The following ROBO2 variants were observed in gnomAD, a reference collection of about 807,000 sequenced individuals.
The protein encoded by ROBO2 is roundabout homolog 2.
In ROBO2, 53 loss-of-function variants were observed where a neutral mutation model predicts 160.8. The ratio of observed to expected loss-of-function variants is 0.33; its 90% CI spans 0.26 to 0.41. ROBO2 has a LOEUF of 0.41. ROBO2 is among the 10% of genes least tolerant of loss of function. The pLI is 1.00. For missense variants in ROBO2, 1,577 were observed against 1,722.4 expected, an observed-to-expected ratio of 0.92 and a Z score of 1.49; for synonymous variants, 664 against 611.7, an observed-to-expected ratio of 1.09 and a Z score of -1.26.
intron 2 of ROBO2, among the ~76,000 whole-genome samples, chr3:76,363,420 A>G (rs1326415098): frequency 6.6e-6 from 1 of 152,090 alleles, no homozygotes; most frequent in Non-Finnish European, 1.5e-5. Flanking sequence ...CACACTTTAA[A>G]CCACCACGTT....
In ROBO2 at chr3:76,054,114, T is replaced by G. The variant is rs570169949; in HGVS notation, c.109+116512T>G. On this transcript the variant is annotated intron_variant, in intron 2 of 26. Transcript: ENST00000487694. ...GTTTTAAGTCCTGCCTTTTTGTAAT[T>G]GAGAGTTATATTTTTACTTGAATAT... 3.9e-5 allele frequency among the ~76,000 whole-genome samples: 6 copies of G among 152,260 alleles called. No individual in the cohort carries two copies. In the East Asian group the frequency reaches 1.2e-3, roughly 29 times the overall value.
chr3:77,357,134 C>T (rs192733828), intron 2 of ROBO2, among the ~76,000 whole-genome samples: 17 of 152,220 alleles, frequency 1.1e-4, no homozygotes, highest in Admixed American at 1.0e-3. Flanking sequence ...ATCATTTAAT[C>T]CTCACAACAG....
chr3:76,064,988 CATT>C (rs2068203706), intron 2 of ROBO2, among the ~76,000 whole-genome samples: 1 of 151,946 alleles, frequency 6.6e-6, no homozygotes, highest in Admixed American at 6.6e-5. Flanking sequence ...TATGTATAGT[CATT>C]AATCAATTTG....
intron 2 of ROBO2, among the ~76,000 whole-genome samples, chr3:76,803,908 G>T (rs1576724555): frequency 6.6e-6 from 1 of 152,294 alleles, no homozygotes; most frequent in Non-Finnish European, 1.5e-5. Context: ...ATTAAAGGGA[G>T]CTAAGACGTG....
intron 2 of ROBO2, among the ~76,000 whole-genome samples, chr3:77,015,415 G>T (rs2062178483): frequency 1.3e-5 from 2 of 152,228 alleles, no homozygotes; most frequent in African/African-American, 2.4e-5. Context: ...TATTTTAAGA[G>T]AACACTCCAT....
intron 2 of ROBO2, among the ~76,000 whole-genome samples, chr3:77,277,159 T>TCTTTC (rs1553882851): frequency 2.7e-5 from 2 of 74,662 alleles, no homozygotes; most frequent in African/African-American, 1.2e-4. Flanking sequence ...CTTCTTTCCT[T>TCTTTC]CTTTCTTTCT....
intron 2 of ROBO2, among the ~76,000 whole-genome samples, chr3:77,260,835 G>T (rs367779220): frequency 6.6e-6 from 1 of 152,100 alleles, no homozygotes; most frequent in Non-Finnish European, 1.5e-5. Context: ...TCACGGCCCC[G>T]ACACTCGTTC....
At chr3:76,758,639 G>A (rs2061123081) in intron 2 of ROBO2, among the ~76,000 whole-genome samples, 1 of 151,760 alleles carries the variant, frequency 6.6e-6, no homozygotes, top group Non-Finnish European at 1.5e-5. Flanking sequence ...AGCTGTAATG[G>A]TTATCCCACC....
chr3:76,707,144 A>G (rs1376857279), intron 2 of ROBO2, among the ~76,000 whole-genome samples: 1 of 152,006 alleles, frequency 6.6e-6, no homozygotes, highest in Non-Finnish European at 1.5e-5. Context: ...ATTCAAGTGT[A>G]TTTATTTGTT....
chr3:76,695,872 T>C (rs1435807586), intron 2 of ROBO2, among the ~76,000 whole-genome samples: 1 of 152,180 alleles, frequency 6.6e-6, no homozygotes, highest in African/African-American at 2.4e-5. Flanking sequence ...ACTGCCTCTG[T>C]CAATAAGATA....
At chr3:77,118,575 A>AT (rs2074429101) in intron 2 of ROBO2, among the ~76,000 whole-genome samples, 1 of 152,202 alleles carries the variant, frequency 6.6e-6, no homozygotes, top group African/African-American at 2.4e-5. Flanking sequence ...ATTTCGCTTG[A>AT]TGCCCAAGTT....
At chr3:77,051,957 A>T (rs1169128028) in intron 1 of ROBO2, among the ~76,000 whole-genome samples, 1 of 152,250 alleles carries the variant, frequency 6.6e-6, no homozygotes, top group Admixed American at 6.5e-5. Flanking sequence ...CACATAAAAC[A>T]GAATTATTTA....
chr3:77,327,451 T>A (rs1488043592), intron 2 of ROBO2, among the ~76,000 whole-genome samples: 1 of 152,150 alleles, frequency 6.6e-6, no homozygotes, highest in African/African-American at 2.4e-5. Flanking sequence ...TTTCTTCATT[T>A]TCCTATTCGC....
intron 2 of ROBO2, among the ~76,000 whole-genome samples, chr3:76,516,494 A>G (rs1382690108): frequency 6.6e-6 from 1 of 152,132 alleles, no homozygotes. Flanking sequence ...CAGTAGCAAT[A>G]AAGAGACACA....
chr3:77,319,737 T>C (rs989625304), intron 2 of ROBO2, among the ~76,000 whole-genome samples: 1 of 152,218 alleles, frequency 6.6e-6, no homozygotes, highest in African/African-American at 2.4e-5. Flanking sequence ...GGCTATGTCA[T>C]AATGTCTGCA....
chr3:77,360,234 CA>C (rs780849065), intron 2 of ROBO2, among the ~76,000 whole-genome samples: 1 of 149,822 alleles, frequency 6.7e-6, no homozygotes, highest in Non-Finnish European at 1.5e-5. Context: ...TAAGTTGCAA[CA>C]GTTAGAATGT....
rs369607809 is a variant in ROBO2, at chr3:75,974,039, A to C, written c.109+36437A>C. Among the ~76,000 whole-genome samples, 10 of 151,430 alleles carry C rather than the reference A, an allele frequency of 6.6e-5. No homozygotes were observed. In the East Asian group the frequency reaches 9.8e-4, roughly 15 times the overall value. ...AAGGAAGGGGTAATTATTTTAAAGA[A>C]GAAAGTGAAGGAAAACAGCAATAGG... On this transcript the variant is annotated intron_variant, in intron 2 of 26. Coordinates refer to the ROBO2 transcript ENST00000487694.
chr3:77,261,319 C>T (rs2058758300), intron 2 of ROBO2, among the ~76,000 whole-genome samples: 2 of 152,008 alleles, frequency 1.3e-5, no homozygotes, highest in Admixed American at 1.3e-4. Context: ...AGAAAACAGC[C>T]ACAATTAGGT....
intron 1 of ROBO2, among the ~76,000 whole-genome samples, chr3:77,080,067 G>C (rs1386761673): frequency 3.9e-5 from 6 of 152,196 alleles, no homozygotes; most frequent in Non-Finnish European, 1.5e-5. Flanking sequence ...TGACAAATGA[G>C]CACGTTTTAC....
Sources: gnomAD v4.1 joint callset for allele counts (sites outside exome capture counted in the v4.1 genomes callset) on GRCh38, gnomAD v4.1.1 for gene constraint, MANE v1.5 for transcripts, NCBI Gene and HGNC (gene_info 2026-07-23, HGNC 2026-07-21) for gene names.